Variants in XKR9 observed in about 807,000 individuals in gnomAD.
XKR9 encodes XK related 9, also known as XK-related protein 9.
XKR9 carries 32 observed loss-of-function variants against 32.0 expected under a neutral mutation model. The ratio of observed to expected loss-of-function variants is 1.00; its 90% CI spans 0.76 to 1.34. The LOEUF (loss-of-function observed/expected upper bound fraction) is 1.34. Ranked by LOEUF, XKR9 falls within the 40% of genes most tolerant of loss-of-function variation. The pLI, the probability that XKR9 is intolerant of heterozygous loss-of-function variation, is 0.00. For synonymous variants in XKR9, 168 were observed against 143.4 expected (o/e 1.17, Z -1.22); for missense variants, 546 against 429.7 (o/e 1.27, Z -2.39).
chr8:70,851,408 T>A, the XKR9 span, among the ~76,000 whole-genome samples: 13 of 152,222 alleles, frequency 8.5e-5, no homozygotes, highest in African/African-American at 3.1e-4. Context: ...CCATTGACTT[T>A]CTTCACAGAA....
At chr8:71,001,962 T>A in the XKR9 span, among the ~76,000 whole-genome samples, 576 of 152,318 alleles carry the variant, frequency 3.8e-3, 4 homozygotes, top group African/African-American at 0.013. Context: ...ATACATGAGA[T>A]CAGCCTTAAA....
chr8:70,950,635 T>C, the XKR9 span, among the ~76,000 whole-genome samples: 1 of 151,910 alleles, frequency 6.6e-6, no homozygotes, highest in Admixed American at 6.6e-5. Context: ...GTGGAGAAGC[T>C]CTTCCCTTTT....
chr8:70,698,946 T>C (rs1175600844), intron 3 of XKR9, among the ~76,000 whole-genome samples: 1 of 152,304 alleles, frequency 6.6e-6, no homozygotes, highest in East Asian at 1.9e-4. Flanking sequence ...GTAATGGCCT[T>C]CTTTGTCTCT....
the XKR9 span, among the ~76,000 whole-genome samples, chr8:70,951,871 G>A: frequency 1.1e-5 from 1 of 91,538 alleles, no homozygotes; most frequent in Non-Finnish European, 2.2e-5. Context: ...CATCATTGGG[G>A]GGGGGGTGGT....
chr8:71,034,225 G>C, the XKR9 span, among the ~76,000 whole-genome samples: 1 of 152,118 alleles, frequency 6.6e-6, no homozygotes, highest in Non-Finnish European at 1.5e-5. Context: ...AGATCATGGG[G>C]GTGGTCCCCC....
downstream of XKR9, among the ~76,000 whole-genome samples, chr8:70,739,397 C>T (rs888512465): frequency 1.4e-4 from 22 of 152,188 alleles, no homozygotes; most frequent in Admixed American, 4.6e-4. Flanking sequence ...ATACAGCACA[C>T]TGATGGGTCT....
chr8:70,832,415 G>T, the XKR9 span, among the ~76,000 whole-genome samples: 1 of 152,144 alleles, frequency 6.6e-6, no homozygotes, highest in Admixed American at 6.6e-5. Context: ...AAAAATATTT[G>T]TAGAAAAATA....
chr8:70,956,666 G>A, the XKR9 span, among the ~76,000 whole-genome samples: 36 of 152,216 alleles, frequency 2.4e-4, no homozygotes, highest in Admixed American at 9.8e-4. Context: ...CCCCCCTCCC[G>A]TGCCTGTTGG....
At chr8:70,841,360 T>C in the XKR9 span, among the ~76,000 whole-genome samples, 2 of 152,208 alleles carry the variant, frequency 1.3e-5, no homozygotes, top group African/African-American at 4.8e-5. Flanking sequence ...CAGTTTGGTT[T>C]TATACTGTGT....
In XKR9 at chr8:70,734,277, A is replaced by C; in HGVS notation, c.975A>C (p.Ile325=). ...PDYFIPISIT[I]VLTLLLGILF... is the part of the protein sequence containing the mutation. ...ATTTTATACCTATCAGTATAACTAT[A>C]GTTCTTACTCTTCTTCTTGGAATTC... Residue 325 remains isoleucine, a synonymous_variant, in exon 5 of 5, where the codon ATA becomes ATC. Transcript: ENST00000408926. 1.2e-6 allele frequency: 2 copies of C among 1,612,792 alleles called. No individual in the cohort carries two copies. Among genetic ancestry groups the C allele is most frequent in the Non-Finnish European group, 1.7e-6 (2 of 1,179,290 alleles).
intron 2 of XKR9, among the ~76,000 whole-genome samples, chr8:70,742,603 A>T (rs1024000952): frequency 2.2e-4 from 33 of 151,742 alleles, no homozygotes; most frequent in Non-Finnish European, 4.6e-4. Flanking sequence ...TTCTTTTTTA[A>T]TTTTTTTTAA....
the XKR9 span, among the ~76,000 whole-genome samples, chr8:71,032,634 A>C: frequency 6.6e-6 from 1 of 152,170 alleles, no homozygotes; most frequent in Admixed American, 6.5e-5. Flanking sequence ...CTGAGCCAAT[A>C]GGTCTGGAGT....
At chr8:70,978,885 A>G in the XKR9 span, among the ~76,000 whole-genome samples, 1 of 151,974 alleles carries the variant, frequency 6.6e-6, no homozygotes, top group Non-Finnish European at 1.5e-5. Flanking sequence ...TCAAGCATAG[A>G]TTTGTTTTTT....
At chr8:71,006,458 T>C in the XKR9 span, among the ~76,000 whole-genome samples, 1 of 152,156 alleles carries the variant, frequency 6.6e-6, no homozygotes, top group African/African-American at 2.4e-5. Context: ...GCAGGACAAA[T>C]GGCCAGAGGG....
chr8:71,022,645 T>C, the XKR9 span, among the ~76,000 whole-genome samples: 1 of 152,226 alleles, frequency 6.6e-6, no homozygotes. Flanking sequence ...GCTCCCTGCA[T>C]CTGGATGTCT....
chr8:70,838,294 A>G, the XKR9 span, among the ~76,000 whole-genome samples: 9 of 152,002 alleles, frequency 5.9e-5, no homozygotes, highest in Non-Finnish European at 1.3e-4. Flanking sequence ...CATTTTATAG[A>G]TGGTGAAAGT....
In XKR9 at chr8:70,734,398, A is replaced by G. The variant is rs751293760; in HGVS notation, c.1096A>G (p.Arg366Gly). 1.3e-5 allele frequency: 20 copies of G among 1,595,356 alleles called. No homozygotes were observed. In the South Asian group the frequency reaches 2.0e-4, roughly 16 times the overall value. The change falls in exon 5 of 5, where the codon AGA becomes GGA. Residue 366 changes from arginine to glycine, a missense_variant. Arg to Gly is a moderately radical substitution (Grantham distance 125, BLOSUM62 -2). Coordinates refer to ENST00000408926, the MANE Select transcript of XKR9 (RefSeq NM_001011720.2). ...IDGKPVLREC[R>G]MRYFLME ...TGGAAAACCAGTTCTAAGAGAATGTAGAATGAGATATTTCCTAATGGAATA... is the reference window on the plus strand; with the variant it reads ...TGGAAAACCAGTTCTAAGAGAATGTGGAATGAGATATTTCCTAATGGAATA...
chr8:70,811,278 C>T, the XKR9 span, among the ~76,000 whole-genome samples: 1 of 152,058 alleles, frequency 6.6e-6, no homozygotes, highest in African/African-American at 2.4e-5. Flanking sequence ...ATCTCTGGGA[C>T]ACATTCAAAG....
the XKR9 span, among the ~76,000 whole-genome samples, chr8:71,042,928 A>G: frequency 6.6e-6 from 1 of 152,150 alleles, no homozygotes; most frequent in Non-Finnish European, 1.5e-5. Flanking sequence ...TTTAAGTAGT[A>G]GGCATTGAGA....
Sources: gnomAD v4.1 joint callset for allele counts (sites outside exome capture counted in the v4.1 genomes callset) on GRCh38, gnomAD v4.1.1 for gene constraint, MANE v1.5 for transcripts, NCBI Gene and HGNC (gene_info 2026-07-23, HGNC 2026-07-21) for gene names.